Variants in RGS9 observed in about 807,000 individuals in gnomAD.
The protein encoded by RGS9 is regulator of G protein signaling 9, also known as regulator of G-protein signalling 9.
In RGS9, 78 loss-of-function variants were observed where a neutral mutation model predicts 102.0. The ratio of observed to expected loss-of-function variants is 0.76; its 90% confidence interval spans 0.64 to 0.92. The LOEUF (loss-of-function observed/expected upper bound fraction) is 0.92, where lower values mean the gene tolerates loss of function less well. RGS9 is among the 40% of genes least tolerant of loss of function. The pLI, the probability that RGS9 is intolerant of heterozygous loss-of-function variation, is 0.00. For synonymous variants in RGS9, 353 were observed against 318.6 expected (o/e 1.11, Z -1.15); for missense variants, 833 against 866.1 (o/e 0.96, Z 0.48).
chr17:65,160,237 A>G lies in RGS9; in HGVS notation c.210A>G (p.Ala70=). 6.2e-7 allele frequency: 1 copy of G among 1,613,492 alleles called. No homozygotes were observed. Among genetic ancestry groups the G allele is most frequent in the Non-Finnish European group, 8.5e-7 (1 of 1,179,394 alleles). The part of the protein sequence containing the change: ...VQRLWISSLE[A]QNLGNFIVRY... ...TGTCTGAACTGCTTTTCCCAGAGGC[A>G]CAGAACTTGGGCAACTTTATTGTCA... The change falls in exon 4 of 19, where the codon GCA becomes GCG. Residue 70 remains alanine, a synonymous_variant. Coordinates refer to ENST00000262406, the MANE Select transcript of RGS9 (RefSeq NM_003835.4).
intron 17 of RGS9, among the ~76,000 whole-genome samples, chr17:65,214,439 T>G (rs140715754): frequency 6.6e-6 from 1 of 152,276 alleles, no homozygotes; most frequent in Non-Finnish European, 1.5e-5. Context: ...GGATGATGAT[T>G]GTTGATTGAG....
intron 7 of RGS9, among the ~76,000 whole-genome samples, chr17:65,167,085 C>T (rs974158401): frequency 2.0e-5 from 3 of 152,080 alleles, no homozygotes; most frequent in Admixed American, 6.6e-5. Context: ...GGGCCCACGG[C>T]GGGATCATTA....
At position 65,139,399 on chromosome 17, in the gene RGS9, C is replaced by T. The variant is rs138463299; in HGVS notation, c.57+1802C>T. Among the ~76,000 whole-genome samples, 376 of 151,980 alleles carry T rather than the reference C, an allele frequency of 2.5e-3. 3 individuals carry two copies. The highest frequency in any genetic ancestry group is 8.7e-3 in the African/African-American group (361 of 41,444). On this transcript the variant is annotated intron_variant, in intron 1 of 18. Transcript: ENST00000262406. ...CCACATTCCCAGCATAAAGTCCAAC[C>T]TTCCCCTGAGCAGCCTGGTTACCCA...
chr17:65,186,485 G>A (rs1457508337), intron 9 of RGS9, among the ~76,000 whole-genome samples: 4 of 152,172 alleles, frequency 2.6e-5, no homozygotes, highest in Non-Finnish European at 4.4e-5. Context: ...TTACAGGCGT[G>A]AGCCACCGAA....
chr17:65,163,709 G>A (rs961464161), intron 7 of RGS9, among the ~76,000 whole-genome samples: 1 of 152,150 alleles, frequency 6.6e-6, no homozygotes, highest in African/African-American at 2.4e-5. Flanking sequence ...CCAGGTGAAG[G>A]ATAGCAGTTG....
intron 8 of RGS9, among the ~76,000 whole-genome samples, chr17:65,171,091 G>A (rs927956108): frequency 3.3e-5 from 5 of 152,154 alleles, no homozygotes; most frequent in Admixed American, 2.6e-4. Flanking sequence ...GTGGAGTGTC[G>A]CGGCCACTCC....
At position 65,137,491 on chromosome 17, in the gene RGS9, C is replaced by T; in HGVS notation, c.-50C>T. ...TGCCTTTCGAACTTGGGGGGCTTCT[C>T]CTCTTGTCTCCCACTGGTGCTCTGG... On this transcript the variant is annotated 5_prime_UTR_variant, in exon 1 of 19. Transcript: ENST00000262406. 5 of 1,589,186 alleles carry T rather than the reference C, an allele frequency of 3.1e-6. No homozygotes were observed. The highest frequency in any genetic ancestry group is 2.2e-5 in the East Asian group (1 of 44,790).
At position 65,160,781 on chromosome 17, in the gene RGS9, C is replaced by G. The variant is rs570396377; in HGVS notation, c.365-70C>G. The G allele has an allele frequency of 1.0e-4, 157 of 1,540,226 alleles. 3 individuals carry two copies. The East Asian group carries it at 2.4e-3, about 24-fold the overall frequency. ...TCCCCGACTCTGAGCACAGCAGCCTCAGGCTTAGGGAGGCTGCAGATGGGG... is the reference window on the plus strand; with the variant it reads ...TCCCCGACTCTGAGCACAGCAGCCTGAGGCTTAGGGAGGCTGCAGATGGGG... On this transcript the variant is annotated intron_variant, in intron 5 of 18. Coordinates refer to ENST00000262406, the MANE Select transcript of RGS9 (RefSeq NM_003835.4).
At chr17:65,213,028 T>A (rs962642928) in intron 17 of RGS9, among the ~76,000 whole-genome samples, 2 of 152,238 alleles carry the variant, frequency 1.3e-5, no homozygotes, top group African/African-American at 4.8e-5. Context: ...TCCTGGTTCC[T>A]GTTCCTGGCT....
At chr17:65,171,733 ACCTGTGATTCAGCAT>A (rs1335708706) in intron 8 of RGS9, among the ~76,000 whole-genome samples, 8 of 152,344 alleles carry the variant, frequency 5.3e-5, no homozygotes, top group South Asian at 4.1e-4. Flanking sequence ...CCCAAAGGAC[ACCTGTGATTCAGCAT>A]CCTGTAATGA....
At chr17:65,151,041 T>A (rs560970518) in intron 1 of RGS9, among the ~76,000 whole-genome samples, 1 of 152,210 alleles carries the variant, frequency 6.6e-6, no homozygotes, top group South Asian at 2.1e-4. Context: ...AACATCCAGT[T>A]TGTTTAAAAA....
Position 65,175,083 on chromosome 17 carries a change from ATGTGTGTG to A in RGS9, c.583-2635_583-2628del, listed in dbSNP as rs113500448. Among the ~76,000 whole-genome samples, 779 of 149,112 alleles carry A rather than the reference ATGTGTGTG, an allele frequency of 5.2e-3. 2 individuals are homozygous for A. Among genetic ancestry groups the A allele is most frequent in the African/African-American group, 0.018 (739 of 40,880 alleles). ...GGGAACACAGAACCAAACCATATTA[ATGTGTGTG>A]TGTGTGTGTGTGTCAGGACATGTGT... On this transcript the variant is annotated intron_variant, in intron 8 of 18. Coordinates refer to ENST00000262406, the MANE Select transcript of RGS9 (RefSeq NM_003835.4).
At chr17:65,142,050 T>A (rs1268297413) in intron 1 of RGS9, among the ~76,000 whole-genome samples, 6 of 151,542 alleles carry the variant, frequency 4.0e-5, no homozygotes, top group African/African-American at 1.5e-4. Flanking sequence ...AGGTCAGGAG[T>A]TCAAGACCAG....
chr17:65,226,907 G>GCC (rs1362446190), intron 18 of RGS9, among the ~76,000 whole-genome samples: 2 of 152,168 alleles, frequency 1.3e-5, no homozygotes, highest in Non-Finnish European at 2.9e-5. Flanking sequence ...GAGCCACAGT[G>GCC]CCCAGCACCC....
chr17:65,181,630 G>A (rs1275166166), intron 9 of RGS9, among the ~76,000 whole-genome samples: 1 of 152,218 alleles, frequency 6.6e-6, no homozygotes, highest in Non-Finnish European at 1.5e-5. Context: ...AGGTGATGGG[G>A]GCAGGGGCCG....
chr17:65,191,914 G>A (rs1912383800), intron 11 of RGS9, among the ~76,000 whole-genome samples: 1 of 152,160 alleles, frequency 6.6e-6, no homozygotes, highest in African/African-American at 2.4e-5. Flanking sequence ...TCTTATGGCT[G>A]AGGGAAGACT....
rs1375992446 is a variant in RGS9 at position 65,189,302 on chromosome 17, C to T, written c.671C>T (p.Ala224Val). The change falls in exon 10 of 19, where the codon GCT becomes GTT. Residue 224 changes from alanine (A) to valine (V), a missense_variant. Ala to Val is a moderately conservative substitution (Grantham distance 64). This residue lies in a region of RGS9 where 328 missense variants were observed against 340.6 expected (regional missense o/e 0.96). Coordinates refer to ENST00000262406, the MANE Select transcript of RGS9 (RefSeq NM_003835.4). The part of the protein sequence containing the change: ...VKVNQKQTVV[A>V]VKKEIMYYQQ... ...GTCTTACAGAAACAAACAGTCGTTG[C>T]TGTCAAAAAAGAGGTAATTAGTCTT... 6.2e-7 allele frequency: 1 copy of T among 1,612,034 alleles called. No homozygotes were observed. Among genetic ancestry groups the T allele is most frequent in the Non-Finnish European group, 8.5e-7 (1 of 1,178,266 alleles).
chr17:65,222,936 C>T lies in RGS9; in HGVS notation c.1408-2066C>T, dbSNP rs535289729. ...CTGTAGACCACACCGAGGCATCCCG[C>T]GAGCGATGACTGCGCCGACTCCGAG... On this transcript the variant is annotated intron_variant, in intron 17 of 18. Coordinates refer to ENST00000262406, the MANE Select transcript of RGS9 (RefSeq NM_003835.4). Among the ~76,000 whole-genome samples the T allele has an allele frequency of 2.6e-5, 4 of 152,140 alleles. No homozygotes were observed. In the South Asian group the frequency reaches 6.2e-4, roughly 24 times the overall value.
chr17:65,189,456 G>T, intron 10 of RGS9, 141 bp downstream of exon 10: 2 of 737,412 alleles, frequency 2.7e-6, no homozygotes, highest in East Asian at 2.6e-5. Context: ...TTCACGGACA[G>T]CACAGAGTGA....
Sources: allele counts gnomAD v4.1 joint callset (sites outside exome capture counted in the v4.1 genomes callset), GRCh38; gene constraint gnomAD v4.1.1; regional missense constraint gnomAD v4.1.1; transcripts MANE v1.5; gene names NCBI Gene and HGNC (gene_info 2026-07-23, HGNC 2026-07-21).